The following HEATR4 variants were observed in gnomAD, a reference collection of about 807,000 sequenced individuals.
HEATR4 encodes the protein HEAT repeat-containing protein 4.
Under a neutral mutation model 108.8 loss-of-function variants are expected in HEATR4, and 95 were observed. That is an observed-to-expected ratio of 0.87 (90% CI 0.74 to 1.04). The LOEUF is 1.04. Among genes scored for constraint, HEATR4 ranks in the 50% least tolerant of loss-of-function variants. The probability of loss-of-function intolerance (pLI) is 0.00; values close to 1 mark genes in which losing one functional copy is unlikely to be tolerated. For missense variants in HEATR4, 1,152 were observed against 1,253.8 expected, an observed-to-expected ratio of 0.92 and a Z score of 1.23; for synonymous variants, 443 against 459.4, an observed-to-expected ratio of 0.96 and a Z score of 0.46.
At chr14:73,564,721 G>GTTTTTTT in the HEATR4 span, among the ~76,000 whole-genome samples, 8 of 83,562 alleles carry the variant, frequency 9.6e-5, 1 homozygote, top group Non-Finnish European at 1.1e-4. Context: ...TATCTTTTCT[G>GTTTTTTT]TTTTTTGTTT....
the HEATR4 span, among the ~76,000 whole-genome samples, chr14:73,603,134 A>C: frequency 1.3e-5 from 2 of 152,216 alleles, no homozygotes; most frequent in African/African-American, 4.8e-5. Flanking sequence ...ACTAGGTACA[A>C]ATATGGTCTG....
chr14:73,500,501 C>A, intron 12 of HEATR4, 49 bp downstream of exon 12: 1 of 1,563,070 alleles, frequency 6.4e-7, no homozygotes, highest in Non-Finnish European at 8.7e-7. Context: ...GAAGGTAATG[C>A]CCTCTTCAGG....
intron 17 of HEATR4, among the ~76,000 whole-genome samples, chr14:73,488,765 G>A (rs1885548991): frequency 6.6e-6 from 1 of 151,822 alleles, no homozygotes; most frequent in African/African-American, 2.4e-5. Context: ...GCTCATGCCT[G>A]TAATCCCAGC....
chr14:73,585,823 T>TTC, the HEATR4 span, among the ~76,000 whole-genome samples: 8 of 127,514 alleles, frequency 6.3e-5, no homozygotes, highest in East Asian at 4.0e-4. Context: ...TCTTTTTCTT[T>TTC]TTTTTTTTTT....
intron 17 of HEATR4, chr14:73,490,917 G>A (rs956682120): frequency 1.6e-6 from 2 of 1,238,732 alleles, no homozygotes; most frequent in Non-Finnish European, 2.0e-6. Flanking sequence ...GTGGCTGGAG[G>A]CCGCGCCCCC....
At chr14:73,502,392 A>G (rs1886526781) in intron 11 of HEATR4, among the ~76,000 whole-genome samples, 1 of 152,080 alleles carries the variant, frequency 6.6e-6, no homozygotes, top group African/African-American at 2.4e-5. Context: ...ACCCTCCAGC[A>G]CCGAAACCAT....
At chr14:73,511,139 C>T (rs2140279658) in intron 7 of HEATR4, among the ~76,000 whole-genome samples, 1 of 152,282 alleles carries the variant, frequency 6.6e-6, no homozygotes, top group South Asian at 2.1e-4. Context: ...CCACTAGTCT[C>T]ATTTTATAGA....
In HEATR4 at chr14:73,502,789, C is replaced by T. The variant is rs571789320; in HGVS notation, c.2105+106G>A. On this transcript the variant is annotated intron_variant, in intron 11 of 17. Coordinates refer to ENST00000553558, the MANE Select transcript of HEATR4 (RefSeq NM_001220484.1). ...GTCTCGATCTCCTGACCTCGTGATCCGCCCACCCCGTCTTCCCAAAGTGTT... is the reference window on the plus strand; with the variant it reads ...GTCTCGATCTCCTGACCTCGTGATCTGCCCACCCCGTCTTCCCAAAGTGTT... 4.5e-5 allele frequency: 35 copies of T among 779,932 alleles called. 1 individual carries two copies. Among genetic ancestry groups the T allele is most frequent in the Middle Eastern group, 5.2e-4 (2 of 3,856 alleles). The allele number at this position is 779,932 out of a possible 1,614,324, so 48.3% of individuals were successfully genotyped here.
At chr14:73,583,505 A>G in the HEATR4 span, among the ~76,000 whole-genome samples, 1 of 151,020 alleles carries the variant, frequency 6.6e-6, no homozygotes, top group Non-Finnish European at 1.5e-5. Flanking sequence ...AGGGAAGGAG[A>G]GGGCTTTTCT....
At chr14:73,614,026 CAAAAAAAAAAAA>C in the HEATR4 span, among the ~76,000 whole-genome samples, 3 of 92,964 alleles carry the variant, frequency 3.2e-5, no homozygotes, top group East Asian at 2.9e-4. Flanking sequence ...TCTGTCTCTA[CAAAAAAAAAAAA>C]AAAAAAAAAA....
chr14:73,569,297 C>A, the HEATR4 span: 1 of 1,613,940 alleles, frequency 6.2e-7, no homozygotes. Context: ...GGTCTGAATT[C>A]AAAATGGCCT....
chr14:73,579,265 TAAAAAAAAAAAAA>T, the HEATR4 span, among the ~76,000 whole-genome samples: 5 of 70,862 alleles, frequency 7.1e-5, no homozygotes, highest in Non-Finnish European at 5.2e-5. Context: ...TCAAAAAAAT[TAAAAAAAAAAAAA>T]AAAAAAAAAA....
intron 16 of HEATR4, 50 bp downstream of exon 16, chr14:73,495,178 G>T (rs1285995675): frequency 1.3e-6 from 2 of 1,530,264 alleles, no homozygotes; most frequent in African/African-American, 2.8e-5. Context: ...GATCCTGGAA[G>T]AGGCTTATTA....
Position 73,478,605 on chromosome 14 carries a change from C to T in HEATR4, c.*1G>A, listed in dbSNP as rs755883826. 1 of 1,602,038 alleles carries T rather than the reference C, an allele frequency of 6.2e-7. No homozygotes were observed. The highest frequency in any genetic ancestry group is 8.6e-7 in the Non-Finnish European group (1 of 1,169,206). ...ATCTTGAAGTAAGACAAGTGTTCAG[C>T]TTAGAGATGAGCACCTTTCTTTCCA... On this transcript the variant is annotated 3_prime_UTR_variant, in exon 18 of 18. Coordinates refer to ENST00000553558, the MANE Select transcript of HEATR4 (RefSeq NM_001220484.1).
chr14:73,491,283 C>T (rs1178112010), intron 17 of HEATR4: 1 of 1,556,686 alleles, frequency 6.4e-7, no homozygotes, highest in African/African-American at 1.4e-5. Flanking sequence ...GCGGCCGTCC[C>T]GGACGCAGCC....
Position 73,492,253 on chromosome 14 carries a change from A to C in HEATR4, c.2844+813T>G, listed in dbSNP as rs187143550. 6 of 1,613,990 alleles carry C rather than the reference A, an allele frequency of 3.7e-6. No homozygotes were observed. The highest frequency in any genetic ancestry group is 5.1e-6 in the Non-Finnish European group (6 of 1,179,880). The stretch of plus-strand genomic sequence containing the variant: ...TTCACCAAGCTGAATGCCAGGATGG[A>C]GTCCACTCTCTGCACCTCACCTTGT... On this transcript the variant is annotated intron_variant, in intron 17 of 17. Coordinates refer to ENST00000553558, the MANE Select transcript of HEATR4 (RefSeq NM_001220484.1). The surrounding 1 kb of genome is among the most constrained non-coding windows in gnomAD (Gnocchi z 4.9).
the HEATR4 span, chr14:73,575,254 A>T: frequency 1.1e-6 from 1 of 872,330 alleles, no homozygotes; most frequent in South Asian, 1.7e-5. Context: ...TTCTATGCTA[A>T]TGAGGCCTGT....
chr14:73,540,761 T>G (rs1156586187), intron 1 of HEATR4, among the ~76,000 whole-genome samples: 2 of 105,302 alleles, frequency 1.9e-5, no homozygotes, highest in African/African-American at 7.0e-5. Context: ...TTTTTTTTTT[T>G]GAGACAGTGT....
rs200052551 is a variant in HEATR4, at chr14:73,532,037, A to G, written c.-151-1793T>C. Among the ~76,000 whole-genome samples, 2 of 113,626 alleles carry G rather than the reference A, an allele frequency of 1.8e-5. 1 individual carries two copies. Among genetic ancestry groups the G allele is most frequent in the South Asian group, 5.6e-4 (2 of 3,566 alleles). The allele number at this position is 113,626 out of a possible 152,430, so 74.5% of individuals were successfully genotyped here. A position where few individuals can be genotyped will look rare whatever the true frequency, so the allele number is the denominator to read the frequency against. On this transcript the variant is annotated intron_variant, in intron 1 of 17. Transcript: ENST00000553558. ...GCAAGAGTGAAGTGCAGTCTCAAAA[A>G]ATAAAAATAAAAAAACCCTCTAGAT...
Sources: allele counts gnomAD v4.1 joint callset (sites outside exome capture counted in the v4.1 genomes callset), GRCh38; gene constraint gnomAD v4.1.1; non-coding constraint Gnocchi (gnomAD v3.1); transcripts MANE v1.5; gene names NCBI Gene and HGNC (gene_info 2026-07-23, HGNC 2026-07-21).